WWOX: variants seen among roughly 807,000 people sequenced by gnomAD.
WWOX encodes WW domain-containing oxidoreductase.
Under a neutral mutation model 46.2 loss-of-function variants are expected in WWOX, and 69 were observed. The observed-to-expected ratio is 1.49, with a 90% CI of 1.23 to 1.82. The LOEUF (loss-of-function observed/expected upper bound fraction) is 1.82. Ranked by LOEUF, WWOX falls within the 40% of genes most tolerant of loss-of-function variation. The pLI, the probability that WWOX is intolerant of heterozygous loss-of-function variation, is 0.00. For synonymous variants in WWOX, 359 were observed against 202.6 expected (o/e 1.77, Z -6.56); for missense variants, 919 against 542.6 (o/e 1.69, Z -6.89).
chr16:79,071,082 C>G (rs1414685525), intron 8 of WWOX, among the ~76,000 whole-genome samples: 4 of 152,190 alleles, frequency 2.6e-5, no homozygotes, highest in Non-Finnish European at 5.9e-5. Flanking sequence ...CTGACCTTCT[C>G]TTTTTATGAT....
chr16:78,705,705 C>A (rs1182167382), intron 8 of WWOX, among the ~76,000 whole-genome samples: 5 of 152,178 alleles, frequency 3.3e-5, no homozygotes, highest in African/African-American at 9.7e-5. Flanking sequence ...TGCTTTTTTA[C>A]TTCCTTTTCT....
In WWOX at chr16:78,272,010, G is replaced by T. The variant is rs562015881; in HGVS notation, c.516+107721G>T. Among the ~76,000 whole-genome samples, 3 of 152,308 alleles carry T rather than the reference G, an allele frequency of 2.0e-5. No individual in the cohort carries two copies. In the East Asian group the frequency reaches 5.8e-4, roughly 29 times the overall value. ...CAGCCAGGAGACTACAGATAAGTCA[G>T]CCAAACTTTTGGAGTAACAAGTAGC... is the stretch of plus-strand genomic sequence containing the variant. On this transcript the variant is annotated intron_variant, in intron 5 of 8. Coordinates refer to ENST00000566780, the MANE Select transcript of WWOX (RefSeq NM_016373.4).
chr16:79,126,096 C>T (rs1163449096), intron 8 of WWOX, among the ~76,000 whole-genome samples: 1 of 152,082 alleles, frequency 6.6e-6, no homozygotes, highest in African/African-American at 2.4e-5. Context: ...ATAATGTGCC[C>T]TGGAGTTTCA....
In WWOX at chr16:78,949,888, T is replaced by C. The variant is rs564543967; in HGVS notation, c.1057-261720T>C. Among the ~76,000 whole-genome samples, 91 of 152,352 alleles carry C rather than the reference T, an allele frequency of 6.0e-4. 1 individual carries two copies. In the South Asian group the frequency reaches 0.018, roughly 29 times the overall value. On this transcript the variant is annotated intron_variant, in intron 8 of 8. Coordinates refer to ENST00000566780, the MANE Select transcript of WWOX (RefSeq NM_016373.4). ...TTTATGGCTCTCAGCCCTACTTTCT[T>C]AATAGTAGCAGCAGTATTTATCTAC...
intron 8 of WWOX, among the ~76,000 whole-genome samples, chr16:78,555,884 A>T (rs1166507399): frequency 1.3e-5 from 2 of 152,270 alleles, no homozygotes; most frequent in African/African-American, 2.4e-5. Flanking sequence ...CAGAATCGTG[A>T]TGTCTCCGAT....
At chr16:78,781,258 C>G (rs1253009963) in intron 8 of WWOX, among the ~76,000 whole-genome samples, 11 of 152,128 alleles carry the variant, frequency 7.2e-5, no homozygotes, top group African/African-American at 1.9e-4. Context: ...ACTGGGCACT[C>G]AGCTATAAAT....
intron 8 of WWOX, among the ~76,000 whole-genome samples, chr16:78,877,173 G>A (rs1201581187): frequency 6.6e-6 from 1 of 152,174 alleles, no homozygotes; most frequent in Non-Finnish European, 1.5e-5. Context: ...AACGAGAAAA[G>A]TTATTCCTAT....
chr16:78,592,410 C>T (rs544327947), intron 8 of WWOX, among the ~76,000 whole-genome samples: 3 of 152,076 alleles, frequency 2.0e-5, no homozygotes, highest in Non-Finnish European at 2.9e-5. Flanking sequence ...TAAATTACAA[C>T]CATAAGAACA....
chr16:78,550,445 G>T (rs1342212479), intron 8 of WWOX, among the ~76,000 whole-genome samples: 1 of 152,176 alleles, frequency 6.6e-6, no homozygotes, highest in Non-Finnish European at 1.5e-5. Flanking sequence ...AAAAACAGGT[G>T]GTAGACTGGA....
chr16:78,883,773 G>A (rs1400862471), intron 8 of WWOX, among the ~76,000 whole-genome samples: 1 of 151,962 alleles, frequency 6.6e-6, no homozygotes, highest in African/African-American at 2.4e-5. Flanking sequence ...CCATGGTCAT[G>A]TGAGATGTTG....
chr16:78,763,475 G>A (rs543535865), intron 8 of WWOX, among the ~76,000 whole-genome samples: 3 of 152,134 alleles, frequency 2.0e-5, no homozygotes, highest in Non-Finnish European at 4.4e-5. Flanking sequence ...TGGCTCTTTG[G>A]GATAGAGGCA....
intron 8 of WWOX, among the ~76,000 whole-genome samples, chr16:78,481,684 C>G (rs2084490437): frequency 6.8e-6 from 1 of 148,086 alleles, no homozygotes; most frequent in African/African-American, 2.5e-5. Context: ...TTTGCCAGAA[C>G]TGTTTCAAGA....
At chr16:78,375,283 C>T (rs12373085) in intron 5 of WWOX, among the ~76,000 whole-genome samples, 22,355 of 152,258 alleles carry the variant, frequency 0.15, 2,102 homozygotes, top group East Asian at 0.37. Flanking sequence ...TGGCCAACTT[C>T]CGAGAGGCCG....
chr16:78,692,364 C>T lies in WWOX; in HGVS notation c.1056+259612C>T, dbSNP rs573533119. Among the ~76,000 whole-genome samples the T allele has an allele frequency of 4.6e-5, 7 of 152,268 alleles. No homozygotes were observed. The East Asian group carries it at 1.4e-3, about 29-fold the overall frequency. ...AAACCATAGCTTCCTTACCAGTTCC[C>T]AAAGCTTCAGTCCTTACCAAAGTGT... is the stretch of plus-strand genomic sequence containing the variant. On this transcript the variant is annotated intron_variant, in intron 8 of 8. Coordinates refer to ENST00000566780, the MANE Select transcript of WWOX (RefSeq NM_016373.4).
intron 8 of WWOX, among the ~76,000 whole-genome samples, chr16:78,614,295 G>A (rs1452445173): frequency 1.3e-5 from 2 of 152,248 alleles, no homozygotes; most frequent in African/African-American, 2.4e-5. Context: ...GATGCACAAA[G>A]CAGAGGGAAT....
intron 8 of WWOX, among the ~76,000 whole-genome samples, chr16:79,110,201 C>T (rs2049390596): frequency 6.6e-6 from 1 of 152,274 alleles, no homozygotes; most frequent in East Asian, 1.9e-4. Flanking sequence ...AGAAAACTTT[C>T]ACTGATTGGC....
chr16:78,453,796 A>T (rs775836104), intron 8 of WWOX, among the ~76,000 whole-genome samples: 25 of 151,940 alleles, frequency 1.6e-4, no homozygotes, highest in Non-Finnish European at 3.2e-4. Flanking sequence ...AAGATAGTTA[A>T]GCTCTTCTTT....
At chr16:78,961,193 G>C (rs1010815086) in intron 8 of WWOX, among the ~76,000 whole-genome samples, 3 of 152,166 alleles carry the variant, frequency 2.0e-5, no homozygotes, top group Admixed American at 6.5e-5. Context: ...TGCAGGGATG[G>C]TGACATCAGA....
intron 8 of WWOX, among the ~76,000 whole-genome samples, chr16:78,579,727 T>G (rs190525459): frequency 6.6e-6 from 1 of 152,318 alleles, no homozygotes; most frequent in Admixed American, 6.5e-5. Flanking sequence ...TTCTTCTTTC[T>G]TTAGAGAAAA....
Sources: gnomAD v4.1 joint callset for allele counts (sites outside exome capture counted in the v4.1 genomes callset) on GRCh38, gnomAD v4.1.1 for gene constraint, MANE v1.5 for transcripts, NCBI Gene and HGNC (gene_info 2026-07-23, HGNC 2026-07-21) for gene names.